The following MAP4K4 variants were observed in gnomAD, a reference collection of about 807,000 sequenced individuals.
The protein encoded by MAP4K4 is HPK/GCK-like kinase HGK.
A neutral mutation model predicts 189.6 loss-of-function variants in MAP4K4; 38 were observed. The ratio of observed to expected loss-of-function variants is 0.20; its 90% confidence interval spans 0.15 to 0.26. MAP4K4 has a LOEUF of 0.26. Ranked by LOEUF, MAP4K4 falls within the 10% of genes least tolerant of loss-of-function variation. MAP4K4 has a pLI of 1.00. For missense variants in MAP4K4, 1,054 were observed against 1,726.9 expected (o/e 0.61, Z 6.91); for synonymous variants, 610 against 624.3 (o/e 0.98, Z 0.34).
rs1039280901 is a variant in MAP4K4, at chr2:101,872,122, T to C, written c.2952+437T>C. Among the ~76,000 whole-genome samples the C allele has an allele frequency of 3.3e-4, 50 of 152,268 alleles. 1 individual carries two copies. Among genetic ancestry groups the C allele is most frequent in the South Asian group, 2.1e-3 (10 of 4,824 alleles). On this transcript the variant is annotated intron_variant, in intron 24 of 32. Transcript: ENST00000324219. ...GCTTGGCCTTATCTGGACAAACTTA[T>C]TATCCTGTACAGGAATCTCTTTCAA...
intron 32 of MAP4K4, among the ~76,000 whole-genome samples, chr2:101,889,772 C>CCAGTTCT (rs59684061): frequency 0.034 from 5,104 of 152,218 alleles, 285 homozygotes; most frequent in African/African-American, 0.11. Flanking sequence ...AGCAGTCAGC[C>CCAGTTCT]CAGTTCTCAG....
chr2:101,771,113 C>T (rs545360452), intron 2 of MAP4K4, among the ~76,000 whole-genome samples: 106 of 152,280 alleles, frequency 7.0e-4, no homozygotes, highest in African/African-American at 2.5e-3. Context: ...AAATAGCACA[C>T]CTTGATTTTA....
intron 3 of MAP4K4, among the ~76,000 whole-genome samples, chr2:101,796,689 T>G (rs1183906811): frequency 1.3e-5 from 2 of 152,196 alleles, no homozygotes; most frequent in Non-Finnish European, 2.9e-5. Context: ...TTTCTTTTAG[T>G]TTTAAGACTA....
intron 2 of MAP4K4, among the ~76,000 whole-genome samples, chr2:101,763,441 C>T (rs1489255709): frequency 2.6e-5 from 4 of 152,104 alleles, no homozygotes; most frequent in Non-Finnish European, 1.5e-5. Context: ...TTCTTTTGAG[C>T]TTTATCTTGA....
chr2:101,814,034 A>C (rs989399254), intron 3 of MAP4K4, among the ~76,000 whole-genome samples: 7 of 152,272 alleles, frequency 4.6e-5, no homozygotes, highest in African/African-American at 1.7e-4. Flanking sequence ...AAAAGTAGGG[A>C]GGTGATATTT....
At chr2:101,793,150 G>C (rs2093207356) in intron 3 of MAP4K4, among the ~76,000 whole-genome samples, 1 of 152,190 alleles carries the variant, frequency 6.6e-6, no homozygotes, top group Non-Finnish European at 1.5e-5. Flanking sequence ...TCCTTTAAAA[G>C]CAATTATTGC....
At chr2:101,847,852 G>C (rs1038132405) in intron 12 of MAP4K4, among the ~76,000 whole-genome samples, 1 of 152,128 alleles carries the variant, frequency 6.6e-6, no homozygotes, top group African/African-American at 2.4e-5. Flanking sequence ...CTCACTCACT[G>C]ACTCACCCAG....
At chr2:101,835,797 C>T (rs2096733336) in intron 8 of MAP4K4, 103 bp from the exon 9 acceptor site, 1 of 734,074 alleles carries the variant, frequency 1.4e-6, no homozygotes, top group East Asian at 2.7e-5. Context: ...GCCTGTCAGT[C>T]AGACGATGGG....
At chr2:101,893,838 CCA>C (rs2098598123) in exon 33 of MAP4K4, 1 of 152,790 alleles carries the variant, frequency 6.5e-6, no homozygotes. Flanking sequence ...TTGTGCAGCT[CCA>C]GGCACCCGGT....
intron 7 of MAP4K4, among the ~76,000 whole-genome samples, chr2:101,833,626 A>G (rs1429419226): frequency 6.6e-6 from 1 of 152,112 alleles, no homozygotes; most frequent in Non-Finnish European, 1.5e-5. Context: ...TCTCAAAAAA[A>G]AAAAAAAAAG....
intron 27 of MAP4K4, among the ~76,000 whole-genome samples, chr2:101,880,629 C>T (rs1412230216): frequency 6.6e-6 from 1 of 152,004 alleles, no homozygotes; most frequent in Non-Finnish European, 1.5e-5. Context: ...CTGCCTCAGC[C>T]TCCCGAGTAG....
In MAP4K4 at chr2:101,786,187, C is replaced by T. The variant is rs566148471; in HGVS notation, c.124-4533C>T. On this transcript the variant is annotated intron_variant, in intron 2 of 32. Transcript: ENST00000324219. ...GAATGCTGTTTCTTCTACCTCTAGGCTCCTCTCTATGGGCCAGGGGCAGAT... is the reference window on the plus strand; with the variant it reads ...GAATGCTGTTTCTTCTACCTCTAGGTTCCTCTCTATGGGCCAGGGGCAGAT... 2.3e-3 allele frequency among the ~76,000 whole-genome samples: 346 copies of T among 152,226 alleles called. 1 individual carries two copies. The South Asian group carries it at 0.028, about 12-fold the overall frequency.
chr2:101,750,357 G>GT (rs1558722102), intron 2 of MAP4K4, among the ~76,000 whole-genome samples: 1 of 136,770 alleles, frequency 7.3e-6, no homozygotes, highest in Non-Finnish European at 1.6e-5. Context: ...CATGTCCTTT[G>GT]TAGGGACATG....
At chr2:101,811,386 A>AGG (rs1553493581) in intron 3 of MAP4K4, among the ~76,000 whole-genome samples, 2 of 140,754 alleles carry the variant, frequency 1.4e-5, no homozygotes, top group Admixed American at 6.9e-5. Context: ...AAAAAAAAAA[A>AGG]AAAAAGAATG....
chr2:101,806,980 C>T (rs1053658297), intron 3 of MAP4K4, among the ~76,000 whole-genome samples: 5 of 151,950 alleles, frequency 3.3e-5, no homozygotes, highest in Admixed American at 6.6e-5. Context: ...TGGTTGGGCA[C>T]GTGTGGAGTA....
chr2:101,745,056 G>T (rs954673692), intron 2 of MAP4K4, among the ~76,000 whole-genome samples: 4 of 152,182 alleles, frequency 2.6e-5, no homozygotes, highest in Non-Finnish European at 4.4e-5. Flanking sequence ...AGTAGCTAGT[G>T]TAGCAGATTT....
rs114457271 is a variant in MAP4K4 at position 101,863,337 on chromosome 2, G to A, written c.1867-484G>A. On this transcript the variant is annotated intron_variant, in intron 16 of 32. Transcript: ENST00000324219. ...TGGGGTTTGTCTTTGCTCGTTGAACGTGCCATTTTGTTACTCGCTCTGGTG... is the reference window on the plus strand; with the variant it reads ...TGGGGTTTGTCTTTGCTCGTTGAACATGCCATTTTGTTACTCGCTCTGGTG... 2.6e-3 allele frequency among the ~76,000 whole-genome samples: 396 copies of A among 152,224 alleles called. 2 individuals carry two copies. The highest frequency in any genetic ancestry group is 9.1e-3 in the African/African-American group (377 of 41,526).
intron 5 of MAP4K4, among the ~76,000 whole-genome samples, chr2:101,825,858 T>G (rs1274191967): frequency 6.6e-6 from 1 of 152,220 alleles, no homozygotes; most frequent in Non-Finnish European, 1.5e-5. Context: ...GCTACTAGAG[T>G]CTGTTACAAT....
intron 28 of MAP4K4, among the ~76,000 whole-genome samples, chr2:101,883,109 A>T (rs553019841): frequency 6.6e-6 from 1 of 152,194 alleles, no homozygotes; most frequent in Non-Finnish European, 1.5e-5. Flanking sequence ...CTCCACTTAG[A>T]GGTCTGGAGG....
Sources: gnomAD v4.1 joint callset for allele counts (sites outside exome capture counted in the v4.1 genomes callset) on GRCh38, gnomAD v4.1.1 for gene constraint, MANE v1.5 for transcripts, NCBI Gene and HGNC (gene_info 2026-07-23, HGNC 2026-07-21) for gene names.